The following CDH18 variants were observed in gnomAD, a reference collection of about 807,000 sequenced individuals.
CDH18 encodes cadherin-18.
In CDH18, 31 loss-of-function variants were observed where a neutral mutation model predicts 67.9. The ratio of observed to expected loss-of-function variants is 0.46; its 90% CI spans 0.34 to 0.62. The LOEUF (loss-of-function observed/expected upper bound fraction) is 0.62, where lower values mean the gene tolerates loss of function less well. CDH18 is among the 20% of genes least tolerant of loss of function. CDH18 has a pLI of 0.01. For missense variants in CDH18, 890 were observed against 975.5 expected (o/e 0.91, Z 1.17); for synonymous variants, 362 against 347.2 (o/e 1.04, Z -0.48).
chr5:20,242,620 A>ACACATATATACATATATACATG (rs1554106663), intron 2 of CDH18, among the ~76,000 whole-genome samples: 9 of 68,876 alleles, frequency 1.3e-4, no homozygotes, highest in African/African-American at 5.9e-4. Flanking sequence ...AAATATATAT[A>ACACATATATACATATATACATG]TATATATATA....
At chr5:19,963,943 CTAA>C in intron 2 of CDH18, among the ~76,000 whole-genome samples, 1 of 152,052 alleles carries the variant, frequency 6.6e-6, no homozygotes, top group Non-Finnish European at 1.5e-5. Flanking sequence ...CTCCTGGGAA[CTAA>C]CTCAATATCA....
intron 2 of CDH18, among the ~76,000 whole-genome samples, chr5:20,034,558 T>G (rs954309162): frequency 1.3e-5 from 2 of 152,046 alleles, no homozygotes; most frequent in Admixed American, 6.6e-5. Context: ...TTTCCAATAT[T>G]GGTTGGCCTC....
At chr5:19,745,562 G>C (rs1371470264) in intron 4 of CDH18, among the ~76,000 whole-genome samples, 1 of 152,202 alleles carries the variant, frequency 6.6e-6, no homozygotes, top group Admixed American at 6.5e-5. Flanking sequence ...ATGTGGCAGA[G>C]AGAATTCTGT....
chr5:19,554,063 A>G lies in CDH18; in HGVS notation c.1254-10058T>C, dbSNP rs140011582. Among the ~76,000 whole-genome samples, 10 of 152,256 alleles carry G rather than the reference A, an allele frequency of 6.6e-5. No homozygotes were observed. The East Asian group carries it at 1.9e-3, about 29-fold the overall frequency. ...TACACAAGCCATGCATTGAGAAAAT[A>G]ATCTTTCTAAAAAAAAGAAGGTATA... On this transcript the variant is annotated intron_variant, in intron 8 of 12. Coordinates refer to ENST00000382275, the MANE Select transcript of CDH18 (RefSeq NM_004934.5).
chr5:20,573,336 A>G (rs1758913824), intron 1 of CDH18, among the ~76,000 whole-genome samples: 1 of 151,974 alleles, frequency 6.6e-6, no homozygotes, highest in South Asian at 2.1e-4. Context: ...CACACACAAT[A>G]CTATTAGAAT....
At chr5:19,634,837 T>G (rs1342787059) in intron 5 of CDH18, among the ~76,000 whole-genome samples, 1 of 151,190 alleles carries the variant, frequency 6.6e-6, no homozygotes, top group Admixed American at 6.6e-5. Context: ...CTTGGGAGGC[T>G]GAGGCAGGAG....
rs189467986 is a variant in CDH18, at chr5:19,695,191, T to C, written c.643+26156A>G. Among the ~76,000 whole-genome samples, 7 of 152,294 alleles carry C rather than the reference T, an allele frequency of 4.6e-5. No homozygotes were observed. The East Asian group carries it at 1.2e-3, about 25-fold the overall frequency. On this transcript the variant is annotated intron_variant, in intron 5 of 12. Transcript: ENST00000382275. ...CATTCCAGATCTCTGTGTGTGTGCA[T>C]AGAAAATAATGCAGTAATTTGCTGG... is the stretch of plus-strand genomic sequence containing the variant.
chr5:19,516,856 C>T (rs951813527), intron 10 of CDH18, among the ~76,000 whole-genome samples: 4 of 151,966 alleles, frequency 2.6e-5, no homozygotes, highest in African/African-American at 9.7e-5. Flanking sequence ...TATGAATTCA[C>T]CACAATTTGC....
At chr5:20,214,489 A>G (rs562773182) in intron 2 of CDH18, among the ~76,000 whole-genome samples, 1 of 152,188 alleles carries the variant, frequency 6.6e-6, no homozygotes, top group South Asian at 2.1e-4. Flanking sequence ...ACAAAAACAT[A>G]CATAGACCAA....
chr5:19,942,613 G>C (rs1419660339), intron 2 of CDH18, among the ~76,000 whole-genome samples: 3 of 152,106 alleles, frequency 2.0e-5, no homozygotes, highest in Non-Finnish European at 4.4e-5. Flanking sequence ...TAAGCCCACA[G>C]GTTGAGTCCT....
At chr5:19,943,608 T>C (rs914459590) in intron 2 of CDH18, among the ~76,000 whole-genome samples, 7 of 152,124 alleles carry the variant, frequency 4.6e-5, no homozygotes, top group African/African-American at 1.4e-4. Flanking sequence ...TAACCTTTTT[T>C]CATACCAACA....
intron 11 of CDH18, among the ~76,000 whole-genome samples, chr5:19,497,038 C>CA (rs1315911361): frequency 6.6e-6 from 1 of 151,682 alleles, no homozygotes; most frequent in Non-Finnish European, 1.5e-5. Flanking sequence ...TATAGCAGCA[C>CA]AAAACATGTG....
chr5:19,755,216 TA>T lies in CDH18; in HGVS notation c.229-7981del, dbSNP rs996522529. Among the ~76,000 whole-genome samples, 799 of 145,436 alleles carry T rather than the reference TA, an allele frequency of 5.5e-3. 8 individuals are homozygous for T. Among genetic ancestry groups the T allele is most frequent in the African/African-American group, 0.019 (758 of 39,724 alleles). On this transcript the variant is annotated intron_variant, in intron 3 of 12. Coordinates refer to ENST00000382275, the MANE Select transcript of CDH18 (RefSeq NM_004934.5). The stretch of plus-strand genomic sequence containing the variant: ...AAAAAAAATACAAAAAATAAAAAAA[TA>T]AAAAAAAGAAATAAAAAGCTGGTTC...
chr5:20,401,706 C>G (rs1014453200), intron 1 of CDH18, among the ~76,000 whole-genome samples: 3 of 152,110 alleles, frequency 2.0e-5, no homozygotes, highest in Non-Finnish European at 4.4e-5. Flanking sequence ...AACCCACTAG[C>G]AAAATCTCCA....
At chr5:19,487,551 C>A (rs1331263863) in intron 11 of CDH18, among the ~76,000 whole-genome samples, 1 of 152,094 alleles carries the variant, frequency 6.6e-6, no homozygotes, top group Non-Finnish European at 1.5e-5. Context: ...TGAAAATGTC[C>A]AGAAAATTTT....
intron 8 of CDH18, among the ~76,000 whole-genome samples, chr5:19,550,369 C>T (rs969819631): frequency 4.6e-5 from 7 of 151,988 alleles, no homozygotes; most frequent in African/African-American, 9.7e-5. Flanking sequence ...CCCATTAACT[C>T]GTCATTTAGC....
chr5:20,208,040 A>C (rs1310830125), intron 2 of CDH18, among the ~76,000 whole-genome samples: 1 of 152,152 alleles, frequency 6.6e-6, no homozygotes, highest in African/African-American at 2.4e-5. Flanking sequence ...ATTTTCAACA[A>C]AGATACCAAC....
At chr5:19,892,631 C>T (rs183437630) in intron 2 of CDH18, among the ~76,000 whole-genome samples, 1 of 152,164 alleles carries the variant, frequency 6.6e-6, no homozygotes, top group Non-Finnish European at 1.5e-5. Context: ...TGGAGTGTGA[C>T]TTCCAAAAAC....
chr5:20,302,355 T>C (rs1736010738), intron 1 of CDH18, among the ~76,000 whole-genome samples: 2 of 152,112 alleles, frequency 1.3e-5, no homozygotes, highest in Admixed American at 1.3e-4. Flanking sequence ...TTACTATGAA[T>C]CATCTGCAAC....
Sources: allele counts gnomAD v4.1 joint callset (sites outside exome capture counted in the v4.1 genomes callset), GRCh38; gene constraint gnomAD v4.1.1; transcripts MANE v1.5; gene names NCBI Gene and HGNC (gene_info 2026-07-23, HGNC 2026-07-21).